Variants in ARFIP1 observed in about 807,000 individuals in gnomAD.
ARFIP1 encodes ARF interacting protein 1.
A neutral mutation model predicts 42.5 loss-of-function variants in ARFIP1; 24 were observed. The observed-to-expected ratio is 0.57, with a 90% CI of 0.41 to 0.80. ARFIP1 has a LOEUF of 0.80. ARFIP1 is among the 30% of genes least tolerant of loss of function. ARFIP1 has a pLI of 0.00. For missense variants in ARFIP1, 354 were observed against 434.0 expected, an observed-to-expected ratio of 0.82 and a Z score of 1.64; for synonymous variants, 141 against 153.7, an observed-to-expected ratio of 0.92 and a Z score of 0.61.
intron 1 of ARFIP1, among the ~76,000 whole-genome samples, chr4:152,828,374 G>A (rs1366497933): frequency 6.6e-6 from 1 of 152,196 alleles, no homozygotes; most frequent in Non-Finnish European, 1.5e-5. Context: ...TCAGCATTTG[G>A]TGTTGTCAGT....
chr4:152,910,122 CT>C lies in ARFIP1; in HGVS notation c.1026del (p.Asn344IlefsTer16). Reference protein sequence around the residue: ...LFHNAIAAYFAGNQKQLEQTL... With the variant: ...LFHNAIAAYFXGNQKQLEQTL... Reference sequence around the variant, plus strand: ...CACAATGCCATTGCCGCTTACTTTGCTGGGAATCAGAAGCAGCTTGAACAGA... The same window carrying C: ...CACAATGCCATTGCCGCTTACTTTGCGGGAATCAGAAGCAGCTTGAACAGA... On this transcript the variant is annotated frameshift_variant, in exon 9 of 9. Transcript: ENST00000353617. LOFTEE classifies it high-confidence loss of function. 1 of 1,614,172 alleles carries C rather than the reference CT, an allele frequency of 6.2e-7. No individual in the cohort carries two copies. Among genetic ancestry groups the C allele is most frequent in the Non-Finnish European group, 8.5e-7 (1 of 1,180,004 alleles).
rs931769932 is a variant in ARFIP1, at chr4:152,880,094, C to T, written c.412-869C>T. Among the ~76,000 whole-genome samples, 8 of 152,300 alleles carry T rather than the reference C, an allele frequency of 5.3e-5. No individual in the cohort carries two copies. The South Asian group carries it at 1.7e-3, about 32-fold the overall frequency. The stretch of plus-strand genomic sequence containing the variant: ...CAACGGCTCACGCCTGTAATCCCAG[C>T]ACTTTGGGAGGCCAAGGCAGGTTGA... On this transcript the variant is annotated intron_variant, in intron 5 of 8. Transcript: ENST00000353617.
intron 1 of ARFIP1, among the ~76,000 whole-genome samples, chr4:152,789,876 C>G (rs1731049015): frequency 6.6e-6 from 1 of 152,126 alleles, no homozygotes; most frequent in Non-Finnish European, 1.5e-5. Context: ...TCTGGTATTA[C>G]AAAATGCTCT....
At chr4:152,835,710 T>A (rs1561131440) in intron 2 of ARFIP1, among the ~76,000 whole-genome samples, 1 of 152,252 alleles carries the variant, frequency 6.6e-6, no homozygotes, top group Non-Finnish European at 1.5e-5. Context: ...ATCAATTTTC[T>A]GTGTTAGTCC....
At chr4:152,905,554 T>G (rs1380840760) in intron 8 of ARFIP1, among the ~76,000 whole-genome samples, 1 of 114,486 alleles carries the variant, frequency 8.7e-6, no homozygotes. Flanking sequence ...TGTTTTTTTT[T>G]TTTTTTTTTT....
chr4:152,881,266 T>G, intron 6 of ARFIP1, 82 bp downstream of exon 6: 1 of 1,076,390 alleles, frequency 9.3e-7, no homozygotes. Context: ...TATTGTGATT[T>G]GCTGAACTCT....
chr4:152,865,727 GCTGA>G (rs1426925962), intron 3 of ARFIP1, among the ~76,000 whole-genome samples: 3 of 152,206 alleles, frequency 2.0e-5, no homozygotes, highest in Admixed American at 2.0e-4. Context: ...ATTTGGAAGG[GCTGA>G]CTGAGTACCT....
chr4:152,789,108 T>TTTTA (rs1561096806), intron 1 of ARFIP1, among the ~76,000 whole-genome samples: 1 of 133,620 alleles, frequency 7.5e-6, no homozygotes, highest in Non-Finnish European at 1.6e-5. Context: ...TTTTTTTTTT[T>TTTTA]GAGGTAGAGT....
rs764586733 is a variant in ARFIP1 at position 152,881,013 on chromosome 4, G to A, written c.462G>A (p.Val154=). ...SEKLGRGSRT[V]DLELEAQIDI... ...AGCTAGGCCGTGGCTCAAGAACTGT[G>A]GACCTTGAACTTGAAGCTCAGATTG... Residue 154 remains valine, a synonymous_variant, in exon 6 of 9, where the codon GTG becomes GTA. Transcript: ENST00000353617. 1 of 1,613,770 alleles carries A rather than the reference G, an allele frequency of 6.2e-7. No homozygotes were observed. Among genetic ancestry groups the A allele is most frequent in the South Asian group, 1.1e-5 (1 of 91,036 alleles).
Position 152,905,542 on chromosome 4 carries a change from A to ATTTTTTTTTTT in ARFIP1, c.967-4520_967-4519insTTTTTTTTTTT, listed in dbSNP as rs1391678382. Among the ~76,000 whole-genome samples the ATTTTTTTTTTT allele has an allele frequency of 9.8e-4, 45 of 45,928 alleles. 1 individual carries two copies. The highest frequency in any genetic ancestry group is 1.4e-3 in the East Asian group (2 of 1,414). 30.1% of individuals were successfully genotyped at this position (45,928 alleles called of 152,430 possible). ...AGGTTATTCTTACTGAATTGTAAGAATTGTTTTTTTTTTTTTTTTTTTTTT... is the reference window on the plus strand; with the variant it reads ...AGGTTATTCTTACTGAATTGTAAGAATTTTTTTTTTTTTGTTTTTTTTTTTTTTTTTTTTTT... On this transcript the variant is annotated intron_variant, in intron 8 of 8. Coordinates refer to ENST00000353617, the MANE Select transcript of ARFIP1 (RefSeq NM_001025595.3).
Position 152,808,283 on chromosome 4 carries a change from A to ATTTTTTT in ARFIP1, c.-9-21314_-9-21308dup, listed in dbSNP as rs61135783. 3.9e-3 allele frequency among the ~76,000 whole-genome samples: 79 copies of ATTTTTTT among 20,304 alleles called. 12 individuals are homozygous for ATTTTTTT. Among genetic ancestry groups the ATTTTTTT allele is most frequent in the African/African-American group, 6.8e-3 (42 of 6,202 alleles). The allele number at this position is 20,304 out of a possible 152,430, so 13.3% of individuals were successfully genotyped here. A position where few individuals can be genotyped will look rare whatever the true frequency, so the allele number is the denominator to read the frequency against. On this transcript the variant is annotated intron_variant, in intron 1 of 8. Transcript: ENST00000353617. ...GTGTGAGCCACCACGCCTGGCCTCC[A>ATTTTTTT]TTTTTTTTTTTTTTTTTTTTTTTTT...
In ARFIP1 at chr4:152,782,909, CA is replaced by C. The variant is rs375284544; in HGVS notation, c.-10+2684del. On this transcript the variant is annotated intron_variant, in intron 1 of 8. Coordinates refer to ENST00000353617, the MANE Select transcript of ARFIP1 (RefSeq NM_001025595.3). ...GAATGTTAACTTGAAGAGACCTATA[CA>C]GCTCATCATAGTCTATCATGAGTAT... Among the ~76,000 whole-genome samples the C allele has an allele frequency of 6.3e-3, 955 of 152,228 alleles. 11 individuals carry two copies. Among genetic ancestry groups the C allele is most frequent in the African/African-American group, 0.021 (892 of 41,520 alleles).
chr4:152,904,198 A>ATATATTTTT (rs36085096), intron 8 of ARFIP1, among the ~76,000 whole-genome samples: 6 of 126,688 alleles, frequency 4.7e-5, no homozygotes, highest in African/African-American at 1.6e-4. Flanking sequence ...ATATATATAT[A>ATATATTTTT]TTTTTTTTTT....
intron 8 of ARFIP1, among the ~76,000 whole-genome samples, chr4:152,905,542 A>ATTTTTTTTTTTTTTT (rs1391678382): frequency 6.5e-5 from 3 of 45,974 alleles, no homozygotes; most frequent in Non-Finnish European, 1.3e-4. Flanking sequence ...AATTGTAAGA[A>ATTTTTTTTTTTTTTT]TTGTTTTTTT....
chr4:152,877,242 C>G (rs975153035), intron 5 of ARFIP1, among the ~76,000 whole-genome samples: 1 of 152,186 alleles, frequency 6.6e-6, no homozygotes, highest in African/African-American at 2.4e-5. Flanking sequence ...GGGAGGAAGG[C>G]TGTACCCTGA....
At chr4:152,852,790 C>T (rs1733104574) in intron 2 of ARFIP1, among the ~76,000 whole-genome samples, 1 of 152,230 alleles carries the variant, frequency 6.6e-6, no homozygotes, top group Non-Finnish European at 1.5e-5. Flanking sequence ...ATTCGTCTCA[C>T]ATAGCCCCTA....
intron 1 of ARFIP1, among the ~76,000 whole-genome samples, chr4:152,799,688 C>T (rs566090462): frequency 1.3e-5 from 2 of 152,238 alleles, no homozygotes; most frequent in East Asian, 3.9e-4. Flanking sequence ...CGGTACGTAT[C>T]TTAGTTCATG....
chr4:152,907,538 T>C (rs968920348), intron 8 of ARFIP1, among the ~76,000 whole-genome samples: 1 of 152,182 alleles, frequency 6.6e-6, no homozygotes, highest in African/African-American at 2.4e-5. Context: ...TCTGAATTTG[T>C]TTATTGTTCC....
chr4:152,818,955 G>A (rs905766492), intron 1 of ARFIP1, among the ~76,000 whole-genome samples: 125 of 152,262 alleles, frequency 8.2e-4, no homozygotes, highest in Admixed American at 7.1e-3. Flanking sequence ...AACACAAGGT[G>A]CTGCTGCTTG....
Sources: gnomAD v4.1 joint callset for allele counts (sites outside exome capture counted in the v4.1 genomes callset) on GRCh38, gnomAD v4.1.1 for gene constraint, MANE v1.5 for transcripts, NCBI Gene and HGNC (gene_info 2026-07-23, HGNC 2026-07-21) for gene names.